Variants in LRRFIP1 observed in about 807,000 individuals in gnomAD.
LRRFIP1 encodes the protein LRR binding FLII interacting protein 1, also known as leucine-rich repeat flightless-interacting protein 1.
Under a neutral mutation model 104.4 loss-of-function variants are expected in LRRFIP1, and 62 were observed. The ratio of observed to expected loss-of-function variants is 0.59; its 90% CI spans 0.48 to 0.73. LRRFIP1 has a LOEUF of 0.73. Among genes scored for constraint, LRRFIP1 ranks in the 30% least tolerant of loss-of-function variants. The pLI is 0.00. For missense variants in LRRFIP1, 796 were observed against 824.5 expected (o/e 0.97, Z 0.42); for synonymous variants, 300 against 299.0 (o/e 1.00, Z -0.03).
At chr2:237,707,530 A>G (rs1559613336) in intron 1 of LRRFIP1, among the ~76,000 whole-genome samples, 1 of 152,124 alleles carries the variant, frequency 6.6e-6, no homozygotes, top group African/African-American at 2.4e-5. Flanking sequence ...TTATAGAACC[A>G]TTGTTGGAAG....
Position 237,720,973 on chromosome 2 carries a change from A to G in LRRFIP1, c.345+151A>G, listed in dbSNP as rs200097523. 6.0e-6 allele frequency: 4 copies of G among 667,510 alleles called. No homozygotes were observed. The African/African-American group carries it at 7.2e-5, about 12-fold the overall frequency. The allele number at this position is 667,510 out of a possible 1,614,324, so 41.3% of individuals were successfully genotyped here. A position where few individuals can be genotyped will look rare whatever the true frequency, so the allele number is the denominator to read the frequency against. The stretch of plus-strand genomic sequence containing the variant: ...GAGATGCTTACTTAAAATCAAATCA[A>G]TGGGGGATGTTTCTTTGTTGCTGTA... On this transcript the variant is annotated intron_variant, in intron 6 of 23. Coordinates refer to ENST00000308482, the MANE Select transcript of LRRFIP1 (RefSeq NM_001137550.2).
In LRRFIP1 at chr2:237,739,431, A is replaced by G. The variant is rs560960250; in HGVS notation, c.633+122A>G. On this transcript the variant is annotated intron_variant, in intron 11 of 23. Transcript: ENST00000308482. ...TCTGCGGTGATATTATTAGGATTAC[A>G]TTGCTCAACTTTTCAAGGACCGTAA... 4 of 887,426 alleles carry G rather than the reference A, an allele frequency of 4.5e-6. No individual in the cohort carries two copies. The East Asian group carries it at 8.1e-5, about 18-fold the overall frequency. The allele number at this position is 887,426 out of a possible 1,614,324, so 55.0% of individuals were successfully genotyped here.
chr2:237,747,212 C>T (rs11690452), intron 11 of LRRFIP1, among the ~76,000 whole-genome samples: 4,818 of 152,232 alleles, frequency 0.032, 91 homozygotes, highest in Middle Eastern at 0.12. Flanking sequence ...TTGTGGGATT[C>T]CATTTGATCC....
chr2:237,736,533 A>T lies in LRRFIP1; in HGVS notation c.555+1200A>T, dbSNP rs185109061. ...TGGTTTTCTGGTGGCTTCAGTAGAG[A>T]GTCTAAGATCTGGCAGGACGGAGGG... On this transcript the variant is annotated intron_variant, in intron 10 of 23. Transcript: ENST00000308482. Among the ~76,000 whole-genome samples, 480 of 152,244 alleles carry T rather than the reference A, an allele frequency of 3.2e-3. 5 individuals carry two copies. The highest frequency in any genetic ancestry group is 0.024 in the Middle Eastern group (7 of 294).
intron 8 of LRRFIP1, chr2:237,729,700 CT>C: frequency 1.5e-6 from 1 of 662,224 alleles, no homozygotes; most frequent in Non-Finnish European, 1.9e-6. Context: ...CCATGTTCGC[CT>C]TTTGAATGGG....
At chr2:237,706,324 C>A (rs762961348) in intron 1 of LRRFIP1, among the ~76,000 whole-genome samples, 1 of 152,112 alleles carries the variant, frequency 6.6e-6, no homozygotes, top group Non-Finnish European at 1.5e-5. Context: ...CTCTTTCTTA[C>A]ATCTCACCCC....
intron 2 of LRRFIP1, among the ~76,000 whole-genome samples, chr2:237,713,071 G>A (rs962782035): frequency 1.3e-5 from 2 of 151,906 alleles, no homozygotes; most frequent in Non-Finnish European, 2.9e-5. Flanking sequence ...TTCTTGAGGG[G>A]GCCGCTCTGA....
rs371890805 is a variant in LRRFIP1, at chr2:237,723,605, C to T, written c.384+19C>T. ...CGCCTGGGTGAGATGGTCGGATATACTTTGCTGTGTGACCTTAACTGTGTG... is the reference window on the plus strand; with the variant it reads ...CGCCTGGGTGAGATGGTCGGATATATTTTGCTGTGTGACCTTAACTGTGTG... On this transcript the variant is annotated intron_variant, in intron 7 of 23. Transcript: ENST00000308482. The T allele has an allele frequency of 1.4e-5, 23 of 1,610,838 alleles. No homozygotes were observed. The African/African-American group carries it at 3.1e-4, about 22-fold the overall frequency.
chr2:237,747,654 C>T (rs2058050466), intron 11 of LRRFIP1, among the ~76,000 whole-genome samples: 1 of 152,194 alleles, frequency 6.6e-6, no homozygotes, highest in African/African-American at 2.4e-5. Flanking sequence ...ATATGGTCTG[C>T]AGTTGCCGCG....
At chr2:237,642,721 C>T (rs1239852063) in intron 1 of LRRFIP1, among the ~76,000 whole-genome samples, 2 of 151,946 alleles carry the variant, frequency 1.3e-5, no homozygotes, top group Non-Finnish European at 2.9e-5. Flanking sequence ...CTTCCAGTTC[C>T]AGGTTCCAGG....
At chr2:237,641,497 A>AG (rs67732265) in intron 1 of LRRFIP1, among the ~76,000 whole-genome samples, 9 of 43,634 alleles carry the variant, frequency 2.1e-4, no homozygotes, top group African/African-American at 8.4e-4. Context: ...ACTCTGTCTC[A>AG]AAAAAAAAAA....
At chr2:237,663,094 C>A (rs2088374994) in intron 1 of LRRFIP1, among the ~76,000 whole-genome samples, 1 of 152,186 alleles carries the variant, frequency 6.6e-6, no homozygotes, top group Non-Finnish European at 1.5e-5. Flanking sequence ...AAGCTGTTTT[C>A]TTCTACCTAT....
At chr2:237,729,223 G>A (rs1025789402) in intron 8 of LRRFIP1, among the ~76,000 whole-genome samples, 3 of 152,176 alleles carry the variant, frequency 2.0e-5, no homozygotes, top group Admixed American at 6.5e-5. Context: ...CATGGCACCC[G>A]GCTGGATGCG....
At position 237,662,907 on chromosome 2, in the gene LRRFIP1, A is replaced by G. The variant is rs1036199513; in HGVS notation, c.96+35167A>G. ...CACCCAGGCATTACCGCTCCTTTCCACGGCAATGACCCAGTGATTACTACC... is the reference window on the plus strand; with the variant it reads ...CACCCAGGCATTACCGCTCCTTTCCGCGGCAATGACCCAGTGATTACTACC... On this transcript the variant is annotated intron_variant, in intron 1 of 23. Transcript: ENST00000308482. 2.6e-5 allele frequency among the ~76,000 whole-genome samples: 4 copies of G among 152,086 alleles called. No homozygotes were observed. In the East Asian group the frequency reaches 7.7e-4, roughly 29 times the overall value.
At chr2:237,689,402 T>C (rs1045813256) in intron 1 of LRRFIP1, among the ~76,000 whole-genome samples, 2 of 152,226 alleles carry the variant, frequency 1.3e-5, no homozygotes, top group Non-Finnish European at 2.9e-5. Flanking sequence ...TGTAGCATCC[T>C]CTCATCTAGA....
chr2:237,727,401 T>C (rs1404735708), intron 7 of LRRFIP1, among the ~76,000 whole-genome samples: 1 of 151,624 alleles, frequency 6.6e-6, no homozygotes, highest in South Asian at 2.1e-4. Flanking sequence ...TTCTGAATTA[T>C]GGCCCATAGC....
At chr2:237,721,206 G>T (rs539959789) in intron 6 of LRRFIP1, 1 of 180,548 alleles carries the variant, frequency 5.5e-6, no homozygotes, top group Non-Finnish European at 1.2e-5. Flanking sequence ...TGGTAAAATC[G>T]GAACCTCTAT....
chr2:237,760,910 A>T (rs1205214218), intron 19 of LRRFIP1, among the ~76,000 whole-genome samples: 4 of 152,154 alleles, frequency 2.6e-5, no homozygotes, highest in Non-Finnish European at 5.9e-5. Context: ...ATTTTCAATG[A>T]TCTGATTTGT....
At chr2:237,724,019 A>G (rs2094634399) in intron 7 of LRRFIP1, among the ~76,000 whole-genome samples, 1 of 151,680 alleles carries the variant, frequency 6.6e-6, no homozygotes, top group African/African-American at 2.4e-5. Context: ...TTTCCAGTCT[A>G]TATCCATTCA....
Sources: gnomAD v4.1 joint callset for allele counts (sites outside exome capture counted in the v4.1 genomes callset) on GRCh38, gnomAD v4.1.1 for gene constraint, MANE v1.5 for transcripts, NCBI Gene and HGNC (gene_info 2026-07-23, HGNC 2026-07-21) for gene names.